Variants in RBFOX1 observed in about 807,000 individuals in gnomAD.
RBFOX1 encodes RNA binding protein fox-1 homolog 1.
RBFOX1 carries 8 observed loss-of-function variants against 57.7 expected under a neutral mutation model. The ratio of observed to expected loss-of-function variants is 0.14; its 90% CI spans 0.08 to 0.25. The LOEUF (loss-of-function observed/expected upper bound fraction) is 0.25. Ranked by LOEUF, RBFOX1 falls within the 10% of genes least tolerant of loss-of-function variation. The probability of loss-of-function intolerance (pLI) is 1.00; values close to 1 mark genes in which losing one functional copy is unlikely to be tolerated. For missense variants in RBFOX1, 611 were observed against 548.5 expected, an observed-to-expected ratio of 1.11 and a Z score of -1.14; for synonymous variants, 326 against 222.4, an observed-to-expected ratio of 1.47 and a Z score of -4.15.
intron 4 of RBFOX1, among the ~76,000 whole-genome samples, chr16:7,500,516 G>A (rs1752079722): frequency 2.0e-5 from 3 of 152,166 alleles, no homozygotes; most frequent in African/African-American, 4.8e-5. Context: ...TATGCATCAT[G>A]CATCTAAGCC....
At chr16:7,401,730 T>A (rs568250294) in intron 4 of RBFOX1, among the ~76,000 whole-genome samples, 1 of 152,266 alleles carries the variant, frequency 6.6e-6, no homozygotes, top group South Asian at 2.1e-4. Context: ...AATGAGGAAA[T>A]GTATTTGAAA....
chr16:7,684,145 A>T (rs1230298503), intron 14 of RBFOX1, among the ~76,000 whole-genome samples: 3 of 152,150 alleles, frequency 2.0e-5, no homozygotes, highest in African/African-American at 7.2e-5. Context: ...TTTCTATTTC[A>T]ATGTGGCCTC....
At chr16:6,655,665 C>T (rs989961511) in intron 3 of RBFOX1, among the ~76,000 whole-genome samples, 2 of 152,128 alleles carry the variant, frequency 1.3e-5, no homozygotes, top group Non-Finnish European at 2.9e-5. Context: ...CCAAGAAGAT[C>T]AGATTTTACC....
At chr16:5,629,807 G>C (rs1013024066) in intron 3 of RBFOX1, among the ~76,000 whole-genome samples, 4 of 152,232 alleles carry the variant, frequency 2.6e-5, no homozygotes, top group African/African-American at 9.6e-5. Context: ...AAATGGCTAA[G>C]AGGGTAGGTT....
chr16:7,092,301 A>G (rs1257803015), intron 4 of RBFOX1, among the ~76,000 whole-genome samples: 1 of 152,220 alleles, frequency 6.6e-6, no homozygotes, highest in Non-Finnish European at 1.5e-5. Flanking sequence ...AAAAGCCTGT[A>G]TCAATTGTAA....
At chr16:5,343,128 A>T (rs115066180) in intron 1 of RBFOX1, among the ~76,000 whole-genome samples, 1 of 152,284 alleles carries the variant, frequency 6.6e-6, no homozygotes, top group African/African-American at 2.4e-5. Context: ...GACATCAGTA[A>T]GGAAGCATGT....
chr16:7,365,732 G>A (rs2097430634), intron 4 of RBFOX1, among the ~76,000 whole-genome samples: 2 of 152,194 alleles, frequency 1.3e-5, no homozygotes, highest in Admixed American at 1.3e-4. Context: ...AGAGTGCAGA[G>A]ATAGAGAAAC....
chr16:5,877,141 G>C (rs1240246657), intron 4 of RBFOX1, among the ~76,000 whole-genome samples: 1 of 152,230 alleles, frequency 6.6e-6, no homozygotes. Flanking sequence ...GGAGGGAAAA[G>C]AGATTGTGTC....
chr16:7,259,409 C>CA (rs2094828487), intron 4 of RBFOX1, among the ~76,000 whole-genome samples: 1 of 150,940 alleles, frequency 6.6e-6, no homozygotes, highest in South Asian at 2.1e-4. Flanking sequence ...AGGGCAGGAA[C>CA]TTTTTTTTTA....
rs1321073618 is a variant in RBFOX1 at position 6,706,769 on chromosome 16, G to A, written c.-16+52119G>A. On this transcript the variant is annotated intron_variant, in intron 3 of 15. Coordinates refer to ENST00000550418, the MANE Select transcript of RBFOX1 (RefSeq NM_018723.4). ...GAGTTCCAATCTTACAAGACATACG[G>A]CCAGAGCTGACATATTCTTAGGAAT... Among the ~76,000 whole-genome samples, 4 of 150,332 alleles carry A rather than the reference G, an allele frequency of 2.7e-5. No homozygotes were observed. In the East Asian group the frequency reaches 6.0e-4, roughly 22 times the overall value.
At chr16:5,558,437 A>G (rs1207410315) in intron 2 of RBFOX1, among the ~76,000 whole-genome samples, 1 of 152,022 alleles carries the variant, frequency 6.6e-6, no homozygotes, top group Non-Finnish European at 1.5e-5. Flanking sequence ...AGACTGAAGG[A>G]GCGAGCCACA....
At chr16:5,868,843 A>G (rs891665777) in intron 4 of RBFOX1, among the ~76,000 whole-genome samples, 1 of 152,228 alleles carries the variant, frequency 6.6e-6, no homozygotes, top group African/African-American at 2.4e-5. Context: ...TGTCGAGAGC[A>G]TTAAAATGGC....
At chr16:5,607,743 A>T (rs932327025) in intron 3 of RBFOX1, among the ~76,000 whole-genome samples, 16 of 152,170 alleles carry the variant, frequency 1.1e-4, no homozygotes, top group African/African-American at 3.9e-4. Context: ...CTGCCTTTCC[A>T]ATTCCACTGG....
intron 2 of RBFOX1, among the ~76,000 whole-genome samples, chr16:6,411,727 A>C (rs1330611973): frequency 3.9e-5 from 6 of 152,250 alleles, no homozygotes; most frequent in African/African-American, 1.4e-4. Context: ...TTATTATTGA[A>C]AGTCATTATG....
intron 3 of RBFOX1, among the ~76,000 whole-genome samples, chr16:6,662,295 CAA>C (rs1491042134): frequency 1.3e-5 from 2 of 151,020 alleles, no homozygotes; most frequent in African/African-American, 2.4e-5. Context: ...CACACACACA[CAA>C]GTCTGTGAGA....
At chr16:7,359,767 A>C (rs1335516282) in intron 4 of RBFOX1, among the ~76,000 whole-genome samples, 1 of 152,212 alleles carries the variant, frequency 6.6e-6, no homozygotes, top group East Asian at 1.9e-4. Flanking sequence ...GGTGGATCAC[A>C]AGTTCAGGAG....
chr16:5,993,391 G>T (rs12933248), intron 4 of RBFOX1, among the ~76,000 whole-genome samples: 2 of 133,800 alleles, frequency 1.5e-5, no homozygotes, highest in African/African-American at 2.6e-5. Flanking sequence ...GTGTGAGAGA[G>T]AGAGAGACAG....
intron 8 of RBFOX1, 144 bp from the exon 9 acceptor site, chr16:7,597,227 C>T (rs1274606256): frequency 3.6e-5 from 19 of 534,018 alleles, no homozygotes; most frequent in Non-Finnish European, 5.9e-5. Flanking sequence ...TTTTGTTATG[C>T]ACCTACTGCC....
rs148129104 is a variant in RBFOX1 at position 7,168,883 on chromosome 16, C to G, written c.27+116785C>G. Among the ~76,000 whole-genome samples, 738 of 152,270 alleles carry G rather than the reference C, an allele frequency of 4.8e-3. 9 individuals are homozygous for G. The highest frequency in any genetic ancestry group is 0.016 in the African/African-American group (668 of 41,556). On this transcript the variant is annotated intron_variant, in intron 4 of 15. Coordinates refer to ENST00000550418, the MANE Select transcript of RBFOX1 (RefSeq NM_018723.4). ...ACTTTCAAATAGGAGGAGTGTGCCT[C>G]TATTTTTGTCTTAACTCCATTTCTT... is the stretch of plus-strand genomic sequence containing the variant.
Sources: gnomAD v4.1 joint callset for allele counts (sites outside exome capture counted in the v4.1 genomes callset) on GRCh38, gnomAD v4.1.1 for gene constraint, MANE v1.5 for transcripts, NCBI Gene and HGNC (gene_info 2026-07-23, HGNC 2026-07-21) for gene names.